The following CDIN1 variants were observed in gnomAD, a reference collection of about 807,000 sequenced individuals.
CDIN1 encodes CDAN1-interacting nuclease 1.
Under a neutral mutation model 45.3 loss-of-function variants are expected in CDIN1, and 33 were observed. That is an observed-to-expected ratio of 0.73 (90% CI 0.55 to 0.97). CDIN1 has a LOEUF of 0.97. Among genes scored for constraint, CDIN1 ranks in the 50% least tolerant of loss-of-function variants. CDIN1 has a pLI of 0.00. For missense variants in CDIN1, 303 were observed against 339.4 expected (o/e 0.89, Z 0.84); for synonymous variants, 118 against 124.4 (o/e 0.95, Z 0.34).
chr15:36,611,132 G>C (rs563601040), intron 1 of CDIN1, among the ~76,000 whole-genome samples: 1 of 152,174 alleles, frequency 6.6e-6, no homozygotes, highest in East Asian at 1.9e-4. Flanking sequence ...AGGCTTTTTT[G>C]GGGGAGGCCT....
chr15:36,800,916 TATATATATATATATATATATATATATATG>T (rs1237935886), intron 10 of CDIN1, among the ~76,000 whole-genome samples: 5 of 91,652 alleles, frequency 5.5e-5, no homozygotes, highest in African/African-American at 2.6e-4. Context: ...TGTGTATATA[TATATATATATATATATATATATATATATG>T]ATTCTCTGCT....
In CDIN1 at chr15:36,632,908, A is replaced by C. The variant is rs184470691; in HGVS notation, c.102-11370A>C. On this transcript the variant is annotated intron_variant, in intron 1 of 10. Transcript: ENST00000566621. ...TGCAAGTGAAATTAAGTGTCACACA[A>C]GCCTCTTATTCTTTACCTGATTTAT... is the stretch of plus-strand genomic sequence containing the variant. 1.6e-4 allele frequency among the ~76,000 whole-genome samples: 25 copies of C among 152,362 alleles called. No homozygotes were observed. In the East Asian group the frequency reaches 4.6e-3, roughly 28 times the overall value.
intron 10 of CDIN1, among the ~76,000 whole-genome samples, chr15:36,720,382 C>T (rs2043368838): frequency 2.0e-5 from 3 of 151,188 alleles, no homozygotes; most frequent in Admixed American, 6.6e-5. Flanking sequence ...CACCCATCAA[C>T]TCTTCATTTA....
At chr15:36,643,987 C>A (rs1203322191) in intron 1 of CDIN1, among the ~76,000 whole-genome samples, 1 of 152,140 alleles carries the variant, frequency 6.6e-6, no homozygotes, top group Non-Finnish European at 1.5e-5. Context: ...CTTTTAACAC[C>A]ATTGCATTCT....
At chr15:36,667,314 A>G (rs2041284589) in intron 5 of CDIN1, among the ~76,000 whole-genome samples, 1 of 152,220 alleles carries the variant, frequency 6.6e-6, no homozygotes, top group Non-Finnish European at 1.5e-5. Flanking sequence ...ACATAGCACT[A>G]TATGTCTTTG....
rs1029255209 is a variant in CDIN1 at position 36,631,115 on chromosome 15, G to T, written c.102-13163G>T. ...ACTGAACAATGGTCCCGTATCAGGA[G>T]AAATGATACATAACCTGGAAAAATA... On this transcript the variant is annotated intron_variant, in intron 1 of 10. Coordinates refer to ENST00000566621, the MANE Select transcript of CDIN1 (RefSeq NM_001321759.2). Among the ~76,000 whole-genome samples the T allele has an allele frequency of 4.6e-5, 7 of 152,192 alleles. No homozygotes were observed. In the South Asian group the frequency reaches 1.4e-3, roughly 31 times the overall value.
At chr15:36,623,050 T>C (rs978757278) in intron 1 of CDIN1, among the ~76,000 whole-genome samples, 1 of 152,260 alleles carries the variant, frequency 6.6e-6, no homozygotes, top group Non-Finnish European at 1.5e-5. Flanking sequence ...GCTGTGGTTC[T>C]ATAAAATTTT....
At chr15:36,747,153 T>G (rs1395295593) in intron 10 of CDIN1, 2 of 393,990 alleles carry the variant, frequency 5.1e-6, no homozygotes, top group Non-Finnish European at 8.9e-6. Flanking sequence ...TCAACCAGCA[T>G]GTGTTTCCTC....
chr15:36,674,636 A>T lies in CDIN1; in HGVS notation c.346+16731A>T, dbSNP rs186090788. ...TCAATCAAAATGCCATTAAAGTGGAATAAGTTGCCAATATTGCTGATGTGG... is the reference window on the plus strand; with the variant it reads ...TCAATCAAAATGCCATTAAAGTGGATTAAGTTGCCAATATTGCTGATGTGG... On this transcript the variant is annotated intron_variant, in intron 5 of 10. Coordinates refer to ENST00000566621, the MANE Select transcript of CDIN1 (RefSeq NM_001321759.2). 2.6e-5 allele frequency among the ~76,000 whole-genome samples: 4 copies of T among 152,230 alleles called. No homozygotes were observed. In the East Asian group the frequency reaches 7.7e-4, roughly 29 times the overall value.
chr15:36,779,174 C>T (rs965841864), intron 10 of CDIN1, among the ~76,000 whole-genome samples: 4 of 152,174 alleles, frequency 2.6e-5, no homozygotes, highest in Admixed American at 6.5e-5. Flanking sequence ...CTTCTCAACA[C>T]GGGGCTTCAA....
intron 10 of CDIN1, among the ~76,000 whole-genome samples, chr15:36,726,527 C>T (rs1174161467): frequency 3.3e-5 from 5 of 152,192 alleles, no homozygotes; most frequent in African/African-American, 1.2e-4. Context: ...ACATTTATGT[C>T]TGACATTGTA....
chr15:36,671,022 G>T (rs1420165812), intron 5 of CDIN1, among the ~76,000 whole-genome samples: 1 of 152,126 alleles, frequency 6.6e-6, no homozygotes, highest in East Asian at 1.9e-4. Flanking sequence ...ATAGTATCCA[G>T]CAGCATTTCC....
rs568876449 is a variant in CDIN1 at position 36,747,787 on chromosome 15, C to T, written c.716+37826C>T. Among the ~76,000 whole-genome samples, 4 of 152,244 alleles carry T rather than the reference C, an allele frequency of 2.6e-5. No homozygotes were observed. In the South Asian group the frequency reaches 8.3e-4, roughly 32 times the overall value. ...ATAGAGAACTCTTTGAATACCAAAA[C>T]ATTTTTCCTAATAATTAGTGGCAGC... On this transcript the variant is annotated intron_variant, in intron 10 of 10. Transcript: ENST00000566621.
intron 10 of CDIN1, among the ~76,000 whole-genome samples, chr15:36,783,589 ACTTGTTT>A (rs2054407241): frequency 6.6e-6 from 1 of 152,166 alleles, no homozygotes; most frequent in Non-Finnish European, 1.5e-5. Flanking sequence ...AACCAGAGCC[ACTTGTTT>A]AAACAAGGCA....
intron 5 of CDIN1, chr15:36,669,126 A>G (rs1045392827): frequency 6.6e-6 from 1 of 152,174 alleles, no homozygotes; most frequent in Non-Finnish European, 1.5e-5. Context: ...TTATGGTCTT[A>G]TGAAAGCTAC....
intron 10 of CDIN1, among the ~76,000 whole-genome samples, chr15:36,758,566 G>A (rs1195407961): frequency 2.0e-5 from 3 of 152,036 alleles, no homozygotes; most frequent in South Asian, 4.2e-4. Flanking sequence ...ATGCACCTGC[G>A]ACAGTCTTTT....
chr15:36,786,232 C>T (rs1439477418), intron 10 of CDIN1, among the ~76,000 whole-genome samples: 1 of 152,092 alleles, frequency 6.6e-6, no homozygotes, highest in Non-Finnish European at 1.5e-5. Context: ...CTTTTTATTC[C>T]TTTAGATAAA....
chr15:36,798,864 G>C (rs2054909894), intron 10 of CDIN1: 1 of 152,160 alleles, frequency 6.6e-6, no homozygotes, highest in African/African-American at 2.4e-5. Flanking sequence ...AAGTTAGTTA[G>C]AAATGGAAAG....
At chr15:36,707,515 G>C (rs2042911797) in intron 8 of CDIN1, 2 of 147,612 alleles carry the variant, frequency 1.4e-5, no homozygotes, top group African/African-American at 2.5e-5. Context: ...TTGGTGCAGT[G>C]AACAGGAGTG....
Sources: allele counts gnomAD v4.1 joint callset (sites outside exome capture counted in the v4.1 genomes callset), GRCh38; gene constraint gnomAD v4.1.1; transcripts MANE v1.5; gene names NCBI Gene and HGNC (gene_info 2026-07-23, HGNC 2026-07-21).